SNX14: variants seen among roughly 807,000 people sequenced by gnomAD.
The protein encoded by SNX14 is sorting nexin 14.
SNX14 carries 93 observed loss-of-function variants against 133.8 expected under a neutral mutation model. The observed-to-expected ratio is 0.70, with a 90% CI of 0.59 to 0.83. SNX14 has a LOEUF of 0.83. SNX14 is among the 40% of genes least tolerant of loss of function. SNX14 has a pLI of 0.00. For missense variants in SNX14, 945 were observed against 1,094.9 expected (o/e 0.86, Z 1.93); for synonymous variants, 368 against 365.6 (o/e 1.01, Z -0.07).
intron 7 of SNX14, among the ~76,000 whole-genome samples, chr6:85,551,133 C>T (rs1787686343): frequency 2.0e-5 from 3 of 152,092 alleles, no homozygotes; most frequent in Admixed American, 6.6e-5. Flanking sequence ...TTTTAAAGCA[C>T]GTACACTATC....
intron 4 of SNX14, 80 bp from the exon 5 acceptor site, chr6:85,567,657 A>T: frequency 1.1e-6 from 1 of 891,330 alleles, no homozygotes. Context: ...GGGAATATGT[A>T]ACATTACCAA....
intron 10 of SNX14, 39 bp from the exon 11 acceptor site, chr6:85,547,436 C>T (rs751081624): frequency 1.2e-6 from 2 of 1,607,694 alleles, no homozygotes; most frequent in East Asian, 4.5e-5. Context: ...GTAAAATTCC[C>T]ACTTGATTTG....
At chr6:85,586,593 T>G (rs975908246) in intron 1 of SNX14, among the ~76,000 whole-genome samples, 2 of 152,200 alleles carry the variant, frequency 1.3e-5, no homozygotes, top group Non-Finnish European at 2.9e-5. Context: ...ATTTCTATCT[T>G]TTATAGAGAC....
At chr6:85,547,449 A>G in intron 10 of SNX14, 52 bp from the exon 11 acceptor site, 23 of 1,605,868 alleles carry the variant, frequency 1.4e-5, no homozygotes, top group Non-Finnish European at 2.0e-5. Context: ...TTGATTTGAC[A>G]TACAAAATCA....
intron 1 of SNX14, among the ~76,000 whole-genome samples, chr6:85,579,219 C>A (rs1310932995): frequency 6.6e-6 from 1 of 152,080 alleles, no homozygotes; most frequent in Admixed American, 6.6e-5. Context: ...AAGTGACCAA[C>A]CCCAAAGAAG....
chr6:85,574,344 C>A lies in SNX14; in HGVS notation c.175G>T (p.Val59Phe). Residue 59 changes from valine to phenylalanine, a missense_variant, in exon 2 of 29, where the codon GTT becomes TTT. By Grantham distance (50) the Val-to-Phe change is conservative. Coordinates refer to ENST00000314673, the MANE Select transcript of SNX14 (RefSeq NM_153816.6). ...CAGTAGAATGTGACAACTCCAGCAA[C>A]AAATGACCAGAAGATCATTAAAATA... ...IHILMIFWSF[V>F]AGVVTFYCSL... 1 of 1,572,258 alleles carries A rather than the reference C, an allele frequency of 6.4e-7. No homozygotes were observed.
intron 23 of SNX14, 80 bp from the exon 24 acceptor site, chr6:85,514,709 C>T: frequency 1.4e-6 from 2 of 1,411,468 alleles, no homozygotes; most frequent in South Asian, 1.3e-5. Flanking sequence ...TTAAGTGTCA[C>T]ACAGCAAAGG....
At chr6:85,520,687 C>A (rs183709026) in intron 21 of SNX14, among the ~76,000 whole-genome samples, 1 of 152,110 alleles carries the variant, frequency 6.6e-6, no homozygotes, top group Non-Finnish European at 1.5e-5. Context: ...CAAACTTTTC[C>A]AGCTTACACT....
chr6:85,555,516 G>T (rs1390153292), intron 7 of SNX14, among the ~76,000 whole-genome samples: 1 of 152,144 alleles, frequency 6.6e-6, no homozygotes, highest in Non-Finnish European at 1.5e-5. Flanking sequence ...TTCTGGAAAC[G>T]TCAAAACTGT....
intron 26 of SNX14, among the ~76,000 whole-genome samples, chr6:85,511,266 T>C (rs1329554118): frequency 6.6e-6 from 1 of 152,244 alleles, no homozygotes; most frequent in Non-Finnish European, 1.5e-5. Context: ...ATTAACCTTA[T>C]ATCCTACCAC....
chr6:85,586,870 T>C (rs1801034511), intron 1 of SNX14, among the ~76,000 whole-genome samples: 1 of 151,966 alleles, frequency 6.6e-6, no homozygotes, highest in African/African-American at 2.4e-5. Flanking sequence ...AACCCCATGT[T>C]GGGAGTCTCC....
At chr6:85,570,477 A>C (rs1795183296) in intron 4 of SNX14, among the ~76,000 whole-genome samples, 1 of 152,256 alleles carries the variant, frequency 6.6e-6, no homozygotes, top group Admixed American at 6.5e-5. Flanking sequence ...ACAAAGTAAA[A>C]AGAAACAGGT....
intron 21 of SNX14, among the ~76,000 whole-genome samples, chr6:85,525,825 G>T (rs138608611): frequency 5.9e-4 from 90 of 152,154 alleles, no homozygotes; most frequent in Non-Finnish European, 1.1e-3. Context: ...TGAAAACACT[G>T]ATTCGCATAT....
chr6:85,567,426 T>C, intron 5 of SNX14, 108 bp downstream of exon 5: 1 of 829,742 alleles, frequency 1.2e-6, no homozygotes, highest in Non-Finnish European at 1.9e-6. Context: ...AGGTCAACAA[T>C]GACAAAGTTG....
At chr6:85,568,226 G>A (rs1288749986) in intron 4 of SNX14, 1 of 152,098 alleles carries the variant, frequency 6.6e-6, no homozygotes, top group Admixed American at 6.5e-5. Context: ...AACCAAAAAC[G>A]TGCTATGGAA....
intron 4 of SNX14, among the ~76,000 whole-genome samples, chr6:85,569,837 A>G (rs905058872): frequency 1.3e-5 from 2 of 152,240 alleles, no homozygotes; most frequent in Non-Finnish European, 2.9e-5. Context: ...ATATACAGTA[A>G]GTAAATCATT....
rs538623146 is a variant in SNX14 at position 85,562,822 on chromosome 6, C to A, written c.549+2510G>T. 2.0e-5 allele frequency among the ~76,000 whole-genome samples: 3 copies of A among 152,088 alleles called. No individual in the cohort carries two copies. The South Asian group carries it at 6.2e-4, about 32-fold the overall frequency. The stretch of plus-strand genomic sequence containing the variant: ...GGCCAGGCTGATCTCGAACTCCCGA[C>A]CTCCAGTGATCTGCCCATCTCAGCC... On this transcript the variant is annotated intron_variant, in intron 6 of 28. Transcript: ENST00000314673.
intron 15 of SNX14, among the ~76,000 whole-genome samples, chr6:85,541,037 A>C (rs1027298836): frequency 2.0e-5 from 3 of 148,898 alleles, no homozygotes; most frequent in African/African-American, 7.5e-5. Context: ...TCTGTCACCC[A>C]GGCTGGAGTG....
chr6:85,539,298 C>T (rs1038653760), intron 15 of SNX14, among the ~76,000 whole-genome samples: 4 of 152,100 alleles, frequency 2.6e-5, no homozygotes, highest in African/African-American at 9.7e-5. Context: ...CCACCAAAAA[C>T]CTGGCATGGC....
Sources: gnomAD v4.1 joint callset for allele counts (sites outside exome capture counted in the v4.1 genomes callset) on GRCh38, gnomAD v4.1.1 for gene constraint, MANE v1.5 for transcripts, NCBI Gene and HGNC (gene_info 2026-07-23, HGNC 2026-07-21) for gene names.